CAPZB: variants seen among roughly 807,000 people sequenced by gnomAD.
CAPZB encodes capping actin protein of muscle Z-line subunit beta, also known as F-actin-capping protein subunit beta.
Under a neutral mutation model 38.1 loss-of-function variants are expected in CAPZB, and 2 were observed. The observed-to-expected ratio is 0.05, with a 90% CI of 0.02 to 0.17. The LOEUF (loss-of-function observed/expected upper bound fraction) is 0.17, where lower values mean the gene tolerates loss of function less well. Among genes scored for constraint, CAPZB ranks in the 10% least tolerant of loss-of-function variants. The pLI is 1.00. For missense variants in CAPZB, 161 were observed against 334.2 expected, an observed-to-expected ratio of 0.48 and a Z score of 4.04; for synonymous variants, 107 against 127.4, an observed-to-expected ratio of 0.84 and a Z score of 1.08.
Position 19,485,455 on chromosome 1 carries a change from G to GCGGTCC in CAPZB, c.-23_-18dup. On this transcript the variant is annotated 5_prime_UTR_variant, in exon 1 of 9. Coordinates refer to ENST00000264202, the MANE Select transcript of CAPZB (RefSeq NM_004930.5). ...CTTTACCATGGTGGCGGCGGCGGCG[G>GCGGTCC]CGGTCCCGGTCCCGGCGTCAGTGGC... is the stretch of plus-strand genomic sequence containing the variant. The GCGGTCC allele has an allele frequency of 2.4e-6, 3 of 1,230,926 alleles. No individual in the cohort carries two copies. The highest frequency in any genetic ancestry group is 3.0e-6 in the Non-Finnish European group (3 of 987,826). 76.3% of individuals were successfully genotyped at this position (1,230,926 alleles called of 1,614,324 possible).
intron 1 of CAPZB, among the ~76,000 whole-genome samples, chr1:19,453,611 C>A (rs1439553620): frequency 6.6e-6 from 1 of 152,110 alleles, no homozygotes; most frequent in Non-Finnish European, 1.5e-5. Flanking sequence ...ACCCGTGGCC[C>A]CTTCCTTGTC....
intron 2 of CAPZB, among the ~76,000 whole-genome samples, chr1:19,395,112 T>G (rs2094259588): frequency 6.6e-6 from 1 of 152,120 alleles, no homozygotes; most frequent in African/African-American, 2.4e-5. Flanking sequence ...TTAAAAGCAT[T>G]TTCTACTTCC....
intron 4 of CAPZB, among the ~76,000 whole-genome samples, chr1:19,366,195 C>T (rs2094084370): frequency 6.6e-6 from 1 of 151,198 alleles, no homozygotes; most frequent in Admixed American, 6.6e-5. Context: ...GCCTATAATC[C>T]CAGCACTTTG....
chr1:19,396,412 C>T (rs112145422), intron 2 of CAPZB, among the ~76,000 whole-genome samples: 6 of 152,180 alleles, frequency 3.9e-5, no homozygotes, highest in African/African-American at 1.4e-4. Flanking sequence ...CGAAACTTGA[C>T]GTGGATGGCA....
At chr1:19,353,359 T>C (rs2094002221) in intron 6 of CAPZB, among the ~76,000 whole-genome samples, 1 of 152,126 alleles carries the variant, frequency 6.6e-6, no homozygotes, top group Non-Finnish European at 1.5e-5. Flanking sequence ...CTGTAAGGAC[T>C]GTGTAAGGAG....
intron 6 of CAPZB, among the ~76,000 whole-genome samples, chr1:19,349,124 A>G (rs917147820): frequency 2.0e-5 from 3 of 152,056 alleles, no homozygotes; most frequent in African/African-American, 7.2e-5. Flanking sequence ...CCACTAGCAA[A>G]ACCCTGGTGC....
chr1:19,396,279 G>C (rs1192516285), intron 2 of CAPZB, among the ~76,000 whole-genome samples: 1 of 152,174 alleles, frequency 6.6e-6, no homozygotes, highest in East Asian at 1.9e-4. Context: ...GGAAAACTAG[G>C]GCCACTTGGG....
intron 1 of CAPZB, among the ~76,000 whole-genome samples, chr1:19,463,713 C>CT (rs1172322038): frequency 6.6e-6 from 1 of 152,156 alleles, no homozygotes; most frequent in Non-Finnish European, 1.5e-5. Flanking sequence ...CCCTTAGCTC[C>CT]TGGGACACTA....
intron 1 of CAPZB, among the ~76,000 whole-genome samples, chr1:19,466,885 T>G (rs1570352404): frequency 6.6e-6 from 1 of 152,154 alleles, no homozygotes; most frequent in Admixed American, 6.5e-5. Flanking sequence ...GATAGCGGTG[T>G]TAGGCTCAGG....
At chr1:19,460,574 CTTTTTTTTTTTTT>C (rs35288971) in intron 1 of CAPZB, among the ~76,000 whole-genome samples, 6 of 90,972 alleles carry the variant, frequency 6.6e-5, no homozygotes, top group Non-Finnish European at 1.2e-4. Flanking sequence ...TGTGCCCAGG[CTTTTTTTTTTTTT>C]TTTTTTTTTT....
intron 1 of CAPZB, among the ~76,000 whole-genome samples, chr1:19,448,491 G>A (rs951102669): frequency 5.3e-5 from 8 of 152,228 alleles, no homozygotes; most frequent in African/African-American, 1.9e-4. Context: ...TTTCTTCTCT[G>A]AACCGCAGAA....
intron 8 of CAPZB, among the ~76,000 whole-genome samples, chr1:19,340,856 C>T (rs2093924342): frequency 6.6e-6 from 1 of 152,146 alleles, no homozygotes; most frequent in Admixed American, 6.5e-5. Flanking sequence ...AGTTTAGAAG[C>T]AGTGGAAAGA....
intron 1 of CAPZB, among the ~76,000 whole-genome samples, chr1:19,462,296 CAA>C (rs34989207): frequency 0.32 from 46,907 of 148,194 alleles, 7,260 homozygotes; most frequent in East Asian, 0.37. Flanking sequence ...ACTAAAAATA[CAA>C]AAAAAAAAAA....
intron 8 of CAPZB, among the ~76,000 whole-genome samples, chr1:19,343,593 G>C (rs11578644): frequency 6.6e-6 from 1 of 152,218 alleles, no homozygotes; most frequent in East Asian, 1.9e-4. Flanking sequence ...ACAGAGCTTA[G>C]GGGAGATCCC....
intron 4 of CAPZB, among the ~76,000 whole-genome samples, chr1:19,358,932 G>A (rs112890210): frequency 6.6e-6 from 1 of 152,150 alleles, no homozygotes; most frequent in African/African-American, 2.4e-5. Context: ...GCTCTAGCAC[G>A]CCCAGCTATG....
chr1:19,479,359 TCA>T (rs1397721802), intron 1 of CAPZB, among the ~76,000 whole-genome samples: 2 of 152,292 alleles, frequency 1.3e-5, no homozygotes, highest in East Asian at 1.9e-4. Flanking sequence ...CCACCTGCAG[TCA>T]CAGAGTCACT....
chr1:19,457,607 G>C (rs2094536918), intron 1 of CAPZB, among the ~76,000 whole-genome samples: 1 of 152,172 alleles, frequency 6.6e-6, no homozygotes, highest in African/African-American at 2.4e-5. Context: ...AAAAATGAGG[G>C]ACGATGTACT....
At chr1:19,388,870 C>T (rs2094217407) in intron 2 of CAPZB, among the ~76,000 whole-genome samples, 2 of 152,198 alleles carry the variant, frequency 1.3e-5, no homozygotes, top group Admixed American at 6.5e-5. Context: ...AGGTACTAAC[C>T]AACCCCAGAA....
In CAPZB at chr1:19,374,596, GCGAGC is replaced by G. The variant is rs2094135563; in HGVS notation, c.329+3939_329+3943del. 5 of 152,454 alleles carry G rather than the reference GCGAGC, an allele frequency of 3.3e-5. No individual in the cohort carries two copies. The Middle Eastern group carries it at 0.014, about 415-fold the overall frequency. 9.4% of individuals were successfully genotyped at this position (152,454 alleles called of 1,614,324 possible). On this transcript the variant is annotated intron_variant, in intron 4 of 8. Coordinates refer to ENST00000264202, the MANE Select transcript of CAPZB (RefSeq NM_004930.5). ...CTGTGCAGCCCTCCTGGGCACAAGG[GCGAGC>G]CCAGCCTGCTCTCAAGGGGTGGCTT...
Sources: gnomAD v4.1 joint callset for allele counts (sites outside exome capture counted in the v4.1 genomes callset) on GRCh38, gnomAD v4.1.1 for gene constraint, MANE v1.5 for transcripts, NCBI Gene and HGNC (gene_info 2026-07-23, HGNC 2026-07-21) for gene names.